The following FGFRL1 variants were observed in gnomAD, a reference collection of about 807,000 sequenced individuals.
FGFRL1 encodes the protein fibroblast growth factor receptor like 1.
Under a neutral mutation model 36.8 loss-of-function variants are expected in FGFRL1, and 24 were observed. The observed-to-expected ratio is 0.65, with a 90% CI of 0.47 to 0.92. FGFRL1 has a LOEUF of 0.92. Among genes scored for constraint, FGFRL1 ranks in the 40% least tolerant of loss-of-function variants. The pLI is 0.00. For missense variants in FGFRL1, 785 were observed against 753.4 expected (o/e 1.04, Z -0.49); for synonymous variants, 422 against 344.1 (o/e 1.23, Z -2.50).
rs996145591 is a variant in FGFRL1 at position 1,025,992 on chromosome 4, A to G, written c.*645A>G. 1.9e-5 allele frequency: 3 copies of G among 154,200 alleles called. No individual in the cohort carries two copies. The highest frequency in any genetic ancestry group is 4.3e-5 in the Non-Finnish European group (3 of 70,324). The allele number at this position is 154,200 out of a possible 1,614,324, so 9.6% of individuals were successfully genotyped here. A position where few individuals can be genotyped will look rare whatever the true frequency, so the allele number is the denominator to read the frequency against. On this transcript the variant is annotated 3_prime_UTR_variant, in exon 7 of 7. Transcript: ENST00000510644. The stretch of plus-strand genomic sequence containing the variant: ...GCAGATATGCTGCCTGGACACACGC[A>G]GATATGCTGTCTAGTCACACACACA...
chr4:1,025,092 G>A lies in FGFRL1; in HGVS notation c.1260G>A (p.Pro420=), dbSNP rs201785648. Reference sequence around the variant, plus strand: ...CTCCCCTGCCTGGGCACCGCCCGCCGGGGACGGCCCGCGACCGCAGCGGAG... The same window carrying A: ...CTCCCCTGCCTGGGCACCGCCCGCCAGGGACGGCCCGCGACCGCAGCGGAG... The part of the protein sequence containing the change: ...PAPPLPGHRP[P]GTARDRSGDK... The change falls in exon 7 of 7, where the codon CCG becomes CCA. Residue 420 remains proline (P), a synonymous_variant. Coordinates refer to ENST00000510644, the MANE Select transcript of FGFRL1 (RefSeq NM_001004356.3). 191 of 1,610,286 alleles carry A rather than the reference G, an allele frequency of 1.2e-4. No homozygotes were observed. In the African/African-American group the frequency reaches 1.9e-3, roughly 16 times the overall value.
rs1264793826 is a variant in FGFRL1 at position 1,026,464 on chromosome 4, C to T, written c.*1117C>T. 1.8e-5 allele frequency: 3 copies of T among 168,728 alleles called. No individual in the cohort carries two copies. Among genetic ancestry groups the T allele is most frequent in the Admixed American group, 6.5e-5 (1 of 15,476 alleles). 10.5% of individuals were successfully genotyped at this position (168,728 alleles called of 1,614,324 possible). On this transcript the variant is annotated 3_prime_UTR_variant, in exon 7 of 7. Coordinates refer to ENST00000510644, the MANE Select transcript of FGFRL1 (RefSeq NM_001004356.3). Reference sequence around the variant, plus strand: ...CCTCAGTCCCCGCCTCCATCCCCGCCTCTGTCCCCTGGCCTTGGCGGCTAT... The same window carrying T: ...CCTCAGTCCCCGCCTCCATCCCCGCTTCTGTCCCCTGGCCTTGGCGGCTAT...
rs757186468 is a variant in FGFRL1, at chr4:1,024,996, C to T, written c.1164C>T (p.Val388=). 1.1e-5 allele frequency: 18 copies of T among 1,610,852 alleles called. No homozygotes were observed. The Middle Eastern group carries it at 8.9e-4, about 80-fold the overall frequency. ...PVVIGIPAGA[V]FILGTLLLWL... is the part of the protein sequence containing the mutation. ...TCATCGGCATCCCAGCCGGCGCTGTCTTCATCCTGGGCACCCTGCTCCTGT... is the reference window on the plus strand; with the variant it reads ...TCATCGGCATCCCAGCCGGCGCTGTTTTCATCCTGGGCACCCTGCTCCTGT... Residue 388 remains valine, a synonymous_variant, in exon 7 of 7, where the codon GTC becomes GTT. Coordinates refer to ENST00000510644, the MANE Select transcript of FGFRL1 (RefSeq NM_001004356.3).
chr4:1,019,464 C>T (rs1716061635), intron 2 of FGFRL1, among the ~76,000 whole-genome samples: 1 of 152,212 alleles, frequency 6.6e-6, no homozygotes, highest in Admixed American at 6.5e-5. Flanking sequence ...CCCCCTTGGT[C>T]CCGGGAGGCC....
Position 1,023,533 on chromosome 4 carries a change from A to T in FGFRL1, c.353-108A>T. The stretch of plus-strand genomic sequence containing the variant: ...GGCGCAGCCCCCTGCCTGGGTGTCC[A>T]GGGCTGTCCCGGCTGGGGCTGGGGG... On this transcript the variant is annotated intron_variant, in intron 3 of 6. Transcript: ENST00000510644. This position sits in a 1 kb window ranked among gnomAD's most constrained non-coding sequence, Gnocchi z 6.0. The T allele has an allele frequency of 9.7e-7, 1 of 1,030,168 alleles. No individual in the cohort carries two copies. The highest frequency in any genetic ancestry group is 1.5e-6 in the Non-Finnish European group (1 of 678,762). 63.8% of individuals were successfully genotyped at this position (1,030,168 alleles called of 1,614,324 possible).
At chr4:1,019,326 G>A (rs1716055293) in intron 2 of FGFRL1, among the ~76,000 whole-genome samples, 1 of 152,244 alleles carries the variant, frequency 6.6e-6, no homozygotes. Context: ...AGTTGTGTGG[G>A]TGAACACTTG....
At position 1,022,379 on chromosome 4, in the gene FGFRL1, G is replaced by T; in HGVS notation, c.256G>T (p.Val86Leu). The stretch of plus-strand genomic sequence containing the variant: ...CCGCGTGCTGCCGCAGGGGCTGAAG[G>T]TGAAGCAGGTGGAGCGGGAGGATGC... ...RFRVLPQGLK[V>L]KQVEREDAGV... The change falls in exon 3 of 7, where the codon GTG (valine) becomes TTG (leucine). Residue 86 changes from valine (V) to leucine (L), a missense_variant. Transcript: ENST00000510644. 1 of 1,611,070 alleles carries T rather than the reference G, an allele frequency of 6.2e-7. No individual in the cohort carries two copies. Among genetic ancestry groups the T allele is most frequent in the Non-Finnish European group, 8.5e-7 (1 of 1,179,302 alleles).
At chr4:1,016,661 C>T (rs906041944) in intron 2 of FGFRL1, among the ~76,000 whole-genome samples, 14 of 152,100 alleles carry the variant, frequency 9.2e-5, no homozygotes, top group East Asian at 1.9e-4. Flanking sequence ...CCAGTTCCCC[C>T]GCACGTCCTG....
chr4:1,012,285 G>C, intron 1 of FGFRL1, 185 bp from the exon 2 acceptor site: 1 of 550,142 alleles, frequency 1.8e-6, no homozygotes, highest in Non-Finnish European at 3.1e-6. Context: ...CCGGTAATTA[G>C]TGTAAACCCT....
In FGFRL1 at chr4:1,025,736, C is replaced by G. The variant is rs893213777; in HGVS notation, c.*389C>G. The G allele has an allele frequency of 1.3e-5, 4 of 312,496 alleles. No individual in the cohort carries two copies. Among genetic ancestry groups the G allele is most frequent in the Non-Finnish European group, 1.2e-5 (2 of 165,834 alleles). 19.4% of individuals were successfully genotyped at this position (312,496 alleles called of 1,614,324 possible). ...CGCAGATGTGCTGCCTGGACACACA[C>G]ACACACACGGATATGCTGTCTGGAC... On this transcript the variant is annotated 3_prime_UTR_variant, in exon 7 of 7. Coordinates refer to ENST00000510644, the MANE Select transcript of FGFRL1 (RefSeq NM_001004356.3).
rs1716552723 is a variant in FGFRL1 at position 1,026,621 on chromosome 4, A to G, written c.*1274A>G. 3.6e-6 allele frequency: 1 copy of G among 274,932 alleles called. No individual in the cohort carries two copies. Among genetic ancestry groups the G allele is most frequent in the Admixed American group, 5.3e-5 (1 of 19,046 alleles). 17.0% of individuals were successfully genotyped at this position (274,932 alleles called of 1,614,324 possible). On this transcript the variant is annotated 3_prime_UTR_variant, in exon 7 of 7. Coordinates refer to ENST00000510644, the MANE Select transcript of FGFRL1 (RefSeq NM_001004356.3). The stretch of plus-strand genomic sequence containing the variant: ...ATCCCCACTGCATTCTCCCCCTGAC[A>G]CAGAGAAGGGGCCTTGGTATTTATA...
In FGFRL1 at chr4:1,024,163, G is replaced by A. The variant is rs1421625059; in HGVS notation, c.718+62G>A. 41 of 1,148,742 alleles carry A rather than the reference G, an allele frequency of 3.6e-5. No individual in the cohort carries two copies. In the East Asian group the frequency reaches 6.5e-4, roughly 18 times the overall value. 71.2% of individuals were successfully genotyped at this position (1,148,742 alleles called of 1,614,324 possible). On this transcript the variant is annotated intron_variant, in intron 5 of 6. Transcript: ENST00000510644. Reference sequence around the variant, plus strand: ...CTGGTGGGCGGGGGCGCTGGCGGGCGGGGGTGCTGGTGGGCGGGGGCGCTG... The same window carrying A: ...CTGGTGGGCGGGGGCGCTGGCGGGCAGGGGTGCTGGTGGGCGGGGGCGCTG...
In FGFRL1 at chr4:1,023,154, G is replaced by A. The variant is rs1192027492; in HGVS notation, c.353-487G>A. On this transcript the variant is annotated intron_variant, in intron 3 of 6. Transcript: ENST00000510644. The surrounding 1 kb of genome is among the most constrained non-coding windows in gnomAD (Gnocchi z 6.0). ...TCCTGGGCTCAGTGAAGGAGCGGCT[G>A]TCACAGGGTGGATGGAGGGGACATT... 1.3e-5 allele frequency among the ~76,000 whole-genome samples: 2 copies of A among 152,198 alleles called. No homozygotes were observed. Among genetic ancestry groups the A allele is most frequent in the African/African-American group, 2.4e-5 (1 of 41,450 alleles).
chr4:1,023,647 T>G lies in FGFRL1; in HGVS notation c.359T>G (p.Ile120Ser). 1.2e-6 allele frequency: 2 copies of G among 1,602,510 alleles called. No homozygotes were observed. Among genetic ancestry groups the G allele is most frequent in the Non-Finnish European group, 1.7e-6 (2 of 1,176,690 alleles). Reference protein sequence around the residue: ...VNYTLVVLDDISPGKESLGPD... With the variant: ...VNYTLVVLDDSSPGKESLGPD... Reference sequence around the variant, plus strand: ...CACCTCCGTCTCTCTGCAGATGACATTAGCCCAGGGAAGGAGAGCCTGGGG... The same window carrying G: ...CACCTCCGTCTCTCTGCAGATGACAGTAGCCCAGGGAAGGAGAGCCTGGGG... The change falls in exon 4 of 7, where the codon ATT becomes AGT. Residue 120 changes from isoleucine (I) to serine (S), a missense_variant. Physicochemically the swap from Ile to Ser is moderately radical, Grantham distance 142. Transcript: ENST00000510644. The surrounding 1 kb of genome is among the most constrained non-coding windows in gnomAD (Gnocchi z 6.0).
At chr4:1,017,305 C>A (rs1715941124) in intron 2 of FGFRL1, among the ~76,000 whole-genome samples, 1 of 152,192 alleles carries the variant, frequency 6.6e-6, no homozygotes, top group South Asian at 2.1e-4. Context: ...CGCTCTTGGT[C>A]CAGCTCCTCC....
rs1716340917 is a variant in FGFRL1, at chr4:1,023,896, G to A, written c.513G>A (p.Lys171=). 2.5e-6 allele frequency: 4 copies of A among 1,580,466 alleles called. No homozygotes were observed. The highest frequency in any genetic ancestry group is 1.1e-5 in the South Asian group (1 of 87,468). The change falls in exon 5 of 7, where the codon AAG becomes AAA. Residue 171 remains lysine, a synonymous_variant. Coordinates refer to ENST00000510644, the MANE Select transcript of FGFRL1 (RefSeq NM_001004356.3). This position sits in a 1 kb window ranked among gnomAD's most constrained non-coding sequence, Gnocchi z 6.0. ...CCGTGGGTAGCTCCGTGCGGCTCAA[G>A]TGCGTGGCCAGCGGGCACCCTCGGC... ...ARPVGSSVRL[K]CVASGHPRPD... is the part of the protein sequence containing the mutation.
intron 2 of FGFRL1, among the ~76,000 whole-genome samples, chr4:1,014,815 C>T (rs995160713): frequency 5.3e-5 from 8 of 152,194 alleles, no homozygotes; most frequent in Non-Finnish European, 1.2e-4. Context: ...CCAGCCGCCC[C>T]GTTTCCATCT....
At chr4:1,014,248 T>C (rs1715765836) in intron 2 of FGFRL1, among the ~76,000 whole-genome samples, 1 of 152,158 alleles carries the variant, frequency 6.6e-6, no homozygotes, top group Non-Finnish European at 1.5e-5. Flanking sequence ...ACTTTCACAA[T>C]CTTGGTGGAT....
At chr4:1,024,734 C>G in intron 6 of FGFRL1, 70 bp downstream of exon 6, 3 of 1,489,688 alleles carry the variant, frequency 2.0e-6, no homozygotes, top group South Asian at 1.3e-5. Context: ...GGCGTCCCAC[C>G]CACCGGGTGG....
Sources: gnomAD v4.1 joint callset for allele counts (sites outside exome capture counted in the v4.1 genomes callset) on GRCh38, gnomAD v4.1.1 for gene constraint, Gnocchi (gnomAD v3.1) non-coding constraint, MANE v1.5 for transcripts, NCBI Gene and HGNC (gene_info 2026-07-23, HGNC 2026-07-21) for gene names.